RCC1L: variants seen among roughly 807,000 people sequenced by gnomAD.
RCC1L encodes the protein RCC1-like G exchanging factor-like protein.
A neutral mutation model predicts 58.6 loss-of-function variants in RCC1L; 46 were observed. The ratio of observed to expected loss-of-function variants is 0.79; its 90% confidence interval spans 0.62 to 1.00. The LOEUF is 1.00. Ranked by LOEUF, RCC1L falls within the 50% of genes least tolerant of loss-of-function variation. RCC1L has a pLI of 0.00. For synonymous variants in RCC1L, 281 were observed against 262.9 expected, an observed-to-expected ratio of 1.07 and a Z score of -0.67; for missense variants, 636 against 623.6, an observed-to-expected ratio of 1.02 and a Z score of -0.21.
At chr7:75,041,374 G>A (rs587630769), downstream of RCC1L, among the ~76,000 whole-genome samples, 522 of 152,128 alleles carry the variant, frequency 3.4e-3, 2 homozygotes, top group Non-Finnish European at 3.9e-3. Context: ...CACGGTGCGG[G>A]GATTTTTGTC....
Position 75,072,161 on chromosome 7 carries a change from CATATATATAT to C in RCC1L, c.324+1243_324+1252del, listed in dbSNP as rs1165938365. On this transcript the variant is annotated intron_variant, in intron 1 of 10. Coordinates refer to ENST00000610322, the MANE Select transcript of RCC1L (RefSeq NM_030798.5). The stretch of plus-strand genomic sequence containing the variant: ...ATTTATACATATACATATACATATA[CATATATATAT>C]ATATATATATATATATATATGGAGA... Among the ~76,000 whole-genome samples the C allele has an allele frequency of 7.1e-4, 33 of 46,370 alleles. 6 individuals are homozygous for C. The highest frequency in any genetic ancestry group is 1.4e-3 in the African/African-American group (25 of 17,256). The allele number at this position is 46,370 out of a possible 152,430, so 30.4% of individuals were successfully genotyped here.
At chr7:75,066,188 A>C (rs1011168511) in intron 3 of RCC1L, among the ~76,000 whole-genome samples, 1 of 152,112 alleles carries the variant, frequency 6.6e-6, no homozygotes, top group Non-Finnish European at 1.5e-5. Context: ...GCAGTGGCTC[A>C]CGCCTGTAAT....
intron 10 of RCC1L, among the ~76,000 whole-genome samples, chr7:75,032,017 GTTA>G (rs1378896634): frequency 6.6e-6 from 1 of 152,208 alleles, no homozygotes; most frequent in Non-Finnish European, 1.5e-5. Flanking sequence ...AAACCAAAGT[GTTA>G]TTTTTATTCC....
intron 10 of RCC1L, among the ~76,000 whole-genome samples, chr7:75,032,840 G>A (rs1218637973): frequency 3.9e-5 from 6 of 152,054 alleles, no homozygotes; most frequent in Non-Finnish European, 5.9e-5. Flanking sequence ...TGGAGGTGGA[G>A]GCGGGAGGAT....
Position 75,066,786 on chromosome 7 carries a change from C to T in RCC1L, c.461G>A (p.Gly154Asp). Residue 154 changes from glycine (G) to aspartate (D), a missense_variant, in exon 3 of 11, where the codon GGC becomes GAC. Coordinates refer to ENST00000610322, the MANE Select transcript of RCC1L (RefSeq NM_030798.5). ...FHRSRKDKTRGYEYVLEPSPV... is the reference protein window; with the variant it reads ...FHRSRKDKTRDYEYVLEPSPV... ...TGAGGGCTCCAACACATACTCGTAG[C>T]CCCTCGCTGGAAAAGACACAGGACA... The T allele has an allele frequency of 6.2e-7, 1 of 1,604,304 alleles. No individual in the cohort carries two copies. Among genetic ancestry groups the T allele is most frequent in the Non-Finnish European group, 8.5e-7 (1 of 1,176,372 alleles).
At chr7:75,029,495 C>G (rs1288369642) in intron 10 of RCC1L, among the ~76,000 whole-genome samples, 2 of 151,894 alleles carry the variant, frequency 1.3e-5, no homozygotes, top group African/African-American at 4.8e-5. Flanking sequence ...AGGCACCCAC[C>G]ACCACGCTCG....
At position 75,061,306 on chromosome 7, in the gene RCC1L, G is replaced by C; in HGVS notation, c.703-15C>G. ...CCACAGGCGACCTAGCAGACAAACA[G>C]AGGTAAGGGGGATGAGAGGAAATAC... On this transcript the variant is annotated splice_polypyrimidine_tract_variant and intron_variant, in intron 5 of 10. Transcript: ENST00000610322. 1 of 1,611,314 alleles carries C rather than the reference G, an allele frequency of 6.2e-7. No individual in the cohort carries two copies. Among genetic ancestry groups the C allele is most frequent in the Non-Finnish European group, 8.5e-7 (1 of 1,177,628 alleles).
intron 10 of RCC1L, among the ~76,000 whole-genome samples, chr7:75,031,752 T>A (rs1805312204): frequency 6.6e-6 from 1 of 152,168 alleles, no homozygotes; most frequent in African/African-American, 2.4e-5. Context: ...ACATGATCAT[T>A]ATTTATAGGT....
At chr7:75,052,332 GT>G (rs1420871624) in intron 10 of RCC1L, among the ~76,000 whole-genome samples, 3 of 152,054 alleles carry the variant, frequency 2.0e-5, no homozygotes, top group Non-Finnish European at 4.4e-5. Context: ...TTGCACCATC[GT>G]GCCTCTGTTT....
chr7:75,051,817 GGCACACACACACAAAGCACGCAT>G (rs1805923411), intron 10 of RCC1L, among the ~76,000 whole-genome samples: 1 of 151,976 alleles, frequency 6.6e-6, no homozygotes, highest in Admixed American at 6.6e-5. Flanking sequence ...TGTACTCACA[GGCACACACACACAAAGCACGCAT>G]GCACACCAGT....
chr7:75,039,863 A>G (rs1805513504), downstream of RCC1L, among the ~76,000 whole-genome samples: 1 of 152,178 alleles, frequency 6.6e-6, no homozygotes, highest in South Asian at 2.1e-4. Flanking sequence ...CAGGAACACG[A>G]TGATCAAGCC....
rs1471671373 is a variant in RCC1L, at chr7:75,070,670, G to C, written c.424C>G (p.Leu142Val). ...WGMGLNKDSQ[L>V]GFHRSRKDKT... ...TCTTTCCGGCTCCTGTGAAATCCAA[G>C]CTGAGAATCTTTGTTGAGTCCCATC... Residue 142 changes from leucine (L) to valine (V), a missense_variant, in exon 2 of 11, where the codon CTT becomes GTT. Transcript: ENST00000610322. 10 of 1,614,042 alleles carry C rather than the reference G, an allele frequency of 6.2e-6. 1 individual carries two copies. The highest frequency in any genetic ancestry group is 1.3e-5 in the African/African-American group (1 of 75,020).
chr7:75,046,211 T>C (rs1333952050), intron 10 of RCC1L, among the ~76,000 whole-genome samples: 1 of 152,168 alleles, frequency 6.6e-6, no homozygotes, highest in African/African-American at 2.4e-5. Flanking sequence ...CAGAACCTAT[T>C]ACAGGAATCA....
intron 3 of RCC1L, among the ~76,000 whole-genome samples, chr7:75,065,391 C>T (rs1806435249): frequency 6.6e-6 from 1 of 151,780 alleles, no homozygotes; most frequent in African/African-American, 2.4e-5. Context: ...CCTGTCTCTA[C>T]TAAAAATACA....
downstream of RCC1L, among the ~76,000 whole-genome samples, chr7:75,039,666 G>A (rs1330752162): frequency 6.6e-6 from 1 of 152,104 alleles, no homozygotes; most frequent in Non-Finnish European, 1.5e-5. Flanking sequence ...GACACGCTAC[G>A]TCTTCCACCC....
chr7:75,052,378 C>T (rs1445598333), intron 10 of RCC1L, among the ~76,000 whole-genome samples: 4 of 152,198 alleles, frequency 2.6e-5, no homozygotes, highest in African/African-American at 9.6e-5. Flanking sequence ...TCCGACAGGG[C>T]TTCTTATAGG....
chr7:75,048,947 G>A (rs1563073459), intron 10 of RCC1L, among the ~76,000 whole-genome samples: 1 of 152,150 alleles, frequency 6.6e-6, no homozygotes, highest in African/African-American at 2.4e-5. Context: ...ACCTCTCTGA[G>A]GGATGAGTCT....
chr7:75,028,492 C>T (rs1233670214), intron 10 of RCC1L, among the ~76,000 whole-genome samples: 6 of 151,978 alleles, frequency 3.9e-5, no homozygotes, highest in African/African-American at 1.5e-4. Flanking sequence ...GTGTCTTGGC[C>T]CCTGTGTGGT....
chr7:75,067,237 GTTGCAGTGAGCTGAGA>G (rs1806529990), intron 2 of RCC1L, among the ~76,000 whole-genome samples: 1 of 151,882 alleles, frequency 6.6e-6, no homozygotes, highest in Non-Finnish European at 1.5e-5. Context: ...GAAGGCGGAG[GTTGCAGTGAGCTGAGA>G]TTGCGCCATT....
Sources: allele counts gnomAD v4.1 joint callset (sites outside exome capture counted in the v4.1 genomes callset), GRCh38; gene constraint gnomAD v4.1.1; transcripts MANE v1.5; gene names NCBI Gene and HGNC (gene_info 2026-07-23, HGNC 2026-07-21).